Variants in RSRC1 observed in about 807,000 individuals in gnomAD.
The protein encoded by RSRC1 is arginine and serine rich coiled-coil 1, also known as serine/Arginine-related protein 53.
A neutral mutation model predicts 49.1 loss-of-function variants in RSRC1; 39 were observed. That is an observed-to-expected ratio of 0.79 (90% CI 0.61 to 1.04). RSRC1 has a LOEUF of 1.04. Among genes scored for constraint, RSRC1 ranks in the 50% least tolerant of loss-of-function variants. The pLI is 0.00. For missense variants in RSRC1, 388 were observed against 402.4 expected, an observed-to-expected ratio of 0.96 and a Z score of 0.31; for synonymous variants, 143 against 130.8, an observed-to-expected ratio of 1.09 and a Z score of -0.63.
chr3:158,148,713 A>T (rs1446543665), intron 3 of RSRC1, among the ~76,000 whole-genome samples: 1 of 152,206 alleles, frequency 6.6e-6, no homozygotes, highest in African/African-American at 2.4e-5. Flanking sequence ...AAATAAAAAA[A>T]GACGGTATTT....
chr3:158,493,703 T>A (rs189888490), intron 7 of RSRC1, among the ~76,000 whole-genome samples: 6 of 152,294 alleles, frequency 3.9e-5, no homozygotes, highest in Non-Finnish European at 8.8e-5. Context: ...AGAAACAGCC[T>A]GATTGTTTGC....
chr3:158,181,371 T>C (rs1719613557), intron 3 of RSRC1, among the ~76,000 whole-genome samples: 1 of 152,184 alleles, frequency 6.6e-6, no homozygotes. Context: ...AAGAGAAATA[T>C]CTGTCACCTG....
chr3:158,238,280 G>A (rs1488154822), intron 4 of RSRC1, among the ~76,000 whole-genome samples: 1 of 152,166 alleles, frequency 6.6e-6, no homozygotes. Context: ...TCGTGAAAAT[G>A]GCCACACTGC....
intron 6 of RSRC1, among the ~76,000 whole-genome samples, chr3:158,448,454 A>G (rs1373489716): frequency 1.3e-5 from 2 of 151,956 alleles, no homozygotes; most frequent in East Asian, 1.9e-4. Flanking sequence ...ACAAAGATAC[A>G]TATAAGCAAA....
chr3:158,193,749 A>T (rs1440910604), intron 3 of RSRC1, among the ~76,000 whole-genome samples: 2 of 152,144 alleles, frequency 1.3e-5, no homozygotes, highest in African/African-American at 4.8e-5. Flanking sequence ...TCAGAAAAGA[A>T]TCAGGTAACA....
At chr3:158,164,260 T>A (rs1237412629) in intron 3 of RSRC1, among the ~76,000 whole-genome samples, 1 of 152,012 alleles carries the variant, frequency 6.6e-6, no homozygotes. Context: ...GCAGGAGACA[T>A]CTATCATATG....
chr3:158,387,673 GGTTTAC>G (rs1733040592), intron 6 of RSRC1, among the ~76,000 whole-genome samples: 1 of 152,070 alleles, frequency 6.6e-6, no homozygotes, highest in Non-Finnish European at 1.5e-5. Flanking sequence ...GTATTGGTAT[GGTTTAC>G]ATTCCAGATC....
chr3:158,373,047 C>A (rs1244207449), intron 6 of RSRC1, among the ~76,000 whole-genome samples: 1 of 151,620 alleles, frequency 6.6e-6, no homozygotes, highest in East Asian at 1.9e-4. Context: ...TACTTGTATT[C>A]TGCAATTTTG....
chr3:158,146,783 A>G (rs1301724747), intron 3 of RSRC1, among the ~76,000 whole-genome samples: 1 of 152,158 alleles, frequency 6.6e-6, no homozygotes, highest in African/African-American at 2.4e-5. Flanking sequence ...TTGGTAAGCT[A>G]TTAATTATTG....
At chr3:158,396,818 T>C (rs542170587) in intron 6 of RSRC1, among the ~76,000 whole-genome samples, 1 of 152,266 alleles carries the variant, frequency 6.6e-6, no homozygotes, top group East Asian at 1.9e-4. Flanking sequence ...ACAGCAATAA[T>C]GGCTAAGATT....
rs531055503 is a variant in RSRC1, at chr3:158,543,508, G to A, written c.912+21G>A. 7.8e-5 allele frequency: 123 copies of A among 1,580,302 alleles called. 1 individual carries two copies. The South Asian group carries it at 1.0e-3, about 13-fold the overall frequency. ...CAAATGTAATATCCTTAAACTTTAC[G>A]AATGTCAGTTGAAGTCTAATTTACT... On this transcript the variant is annotated intron_variant, in intron 9 of 9. Coordinates refer to ENST00000611884, the MANE Select transcript of RSRC1 (RefSeq NM_001271838.2).
At chr3:158,340,702 A>G (rs985448803) in intron 5 of RSRC1, among the ~76,000 whole-genome samples, 6 of 152,170 alleles carry the variant, frequency 3.9e-5, no homozygotes, top group African/African-American at 1.4e-4. Context: ...ACGGACTAAT[A>G]CAGTAAATTG....
At chr3:158,191,259 C>T (rs1720225884) in intron 3 of RSRC1, among the ~76,000 whole-genome samples, 1 of 151,856 alleles carries the variant, frequency 6.6e-6, no homozygotes, top group African/African-American at 2.4e-5. Flanking sequence ...ATTAGGTGTC[C>T]ATGTTCAAAA....
chr3:158,518,134 A>ATATATG (rs1560073739), intron 7 of RSRC1, among the ~76,000 whole-genome samples: 24 of 80,180 alleles, frequency 3.0e-4, no homozygotes, highest in African/African-American at 1.5e-3. Flanking sequence ...GTGTATATAT[A>ATATATG]TATATATATA....
intron 1 of RSRC1, among the ~76,000 whole-genome samples, chr3:158,117,171 A>G (rs1398548479): frequency 6.6e-6 from 1 of 152,016 alleles, no homozygotes; most frequent in African/African-American, 2.4e-5. Context: ...TGTGCTACCC[A>G]TATTTTTTTA....
chr3:158,446,315 TTGAAA>T (rs1392977914), intron 6 of RSRC1, among the ~76,000 whole-genome samples: 3 of 151,882 alleles, frequency 2.0e-5, no homozygotes, highest in Admixed American at 6.6e-5. Context: ...CCATATAGAA[TTGAAA>T]TGAGAGAAAT....
chr3:158,255,012 G>A (rs923660025), intron 4 of RSRC1, among the ~76,000 whole-genome samples: 55 of 152,124 alleles, frequency 3.6e-4, no homozygotes, highest in Admixed American at 4.6e-4. Context: ...CTCCCATTCT[G>A]TAGGTTGCCT....
intron 6 of RSRC1, among the ~76,000 whole-genome samples, chr3:158,426,547 A>G (rs1735456343): frequency 6.6e-6 from 1 of 151,726 alleles, no homozygotes; most frequent in Non-Finnish European, 1.5e-5. Context: ...ACACTACCAG[A>G]TGATAATAAG....
chr3:158,483,113 T>C lies in RSRC1; in HGVS notation c.652+22110T>C, dbSNP rs142757483. On this transcript the variant is annotated intron_variant, in intron 7 of 9. Coordinates refer to ENST00000611884, the MANE Select transcript of RSRC1 (RefSeq NM_001271838.2). ...AGCCATTTGAAGGACACACATAAAA[T>C]CATTTTCAACAAAAGAAAAAGAAAA... Among the ~76,000 whole-genome samples the C allele has an allele frequency of 7.2e-5, 11 of 152,090 alleles. No homozygotes were observed. The East Asian group carries it at 2.1e-3, about 29-fold the overall frequency.
Sources: allele counts gnomAD v4.1 joint callset (sites outside exome capture counted in the v4.1 genomes callset), GRCh38; gene constraint gnomAD v4.1.1; transcripts MANE v1.5; gene names NCBI Gene and HGNC (gene_info 2026-07-23, HGNC 2026-07-21).